The following PARVB variants were observed in gnomAD, a reference collection of about 807,000 sequenced individuals.
The protein encoded by PARVB is beta-parvin.
Under a neutral mutation model 47.0 loss-of-function variants are expected in PARVB, and 46 were observed. That is an observed-to-expected ratio of 0.98 (90% CI 0.77 to 1.25). The LOEUF is 1.25. PARVB is among the 50% of genes most tolerant of loss of function. The probability of loss-of-function intolerance (pLI) is 0.00; values close to 1 mark genes in which losing one functional copy is unlikely to be tolerated. For synonymous variants in PARVB, 196 were observed against 196.3 expected (o/e 1.00, Z 0.01); for missense variants, 473 against 471.6 (o/e 1.00, Z -0.03).
chr22:44,041,596 C>T (rs1190988795), intron 1 of PARVB, among the ~76,000 whole-genome samples: 1 of 151,972 alleles, frequency 6.6e-6, no homozygotes, highest in Non-Finnish European at 1.5e-5. Context: ...TAATAAAAGC[C>T]CTACAGGCCA....
At chr22:44,022,518 C>T (rs576674470), upstream of PARVB, among the ~76,000 whole-genome samples, 99 of 152,220 alleles carry the variant, frequency 6.5e-4, no homozygotes, top group Admixed American at 1.8e-3. Flanking sequence ...TTGGTCTTCA[C>T]GCCCCTGGCT....
chr22:44,099,726 G>C (rs989024985), intron 2 of PARVB, among the ~76,000 whole-genome samples: 3 of 152,114 alleles, frequency 2.0e-5, no homozygotes, highest in African/African-American at 7.2e-5. Context: ...ACCAGATTCC[G>C]GCCAGCGGAG....
At chr22:44,029,269 G>A (rs2050783016) in intron 1 of PARVB, among the ~76,000 whole-genome samples, 1 of 152,190 alleles carries the variant, frequency 6.6e-6, no homozygotes, top group Non-Finnish European at 1.5e-5. Context: ...ACATGCGTGA[G>A]CCACAGTGCC....
At chr22:44,056,378 G>A (rs899112818) in intron 1 of PARVB, among the ~76,000 whole-genome samples, 1 of 152,228 alleles carries the variant, frequency 6.6e-6, no homozygotes, top group African/African-American at 2.4e-5. Flanking sequence ...ACACACGGAT[G>A]CAGCGTTGCC....
At chr22:44,027,883 G>C (rs1045557039) in intron 1 of PARVB, among the ~76,000 whole-genome samples, 1 of 146,646 alleles carries the variant, frequency 6.8e-6, no homozygotes, top group African/African-American at 2.6e-5. Flanking sequence ...GGTCAACAGA[G>C]TGAGACTCCA....
intron 1 of PARVB, among the ~76,000 whole-genome samples, chr22:44,090,400 G>A (rs988449356): frequency 1.3e-5 from 2 of 152,216 alleles, no homozygotes; most frequent in African/African-American, 4.8e-5. Context: ...GGCGGTGTTC[G>A]TGAGCACGTT....
intron 4 of PARVB, among the ~76,000 whole-genome samples, chr22:44,122,540 G>A (rs58136081): frequency 9.3e-6 from 1 of 107,508 alleles, no homozygotes; most frequent in Admixed American, 9.7e-5. Flanking sequence ...GAGAGAGAGA[G>A]AGAGAGAGAG....
At chr22:44,051,502 T>C (rs1455634324) in intron 1 of PARVB, among the ~76,000 whole-genome samples, 4 of 152,136 alleles carry the variant, frequency 2.6e-5, no homozygotes, top group African/African-American at 9.7e-5. Context: ...GCTGTGCTGG[T>C]GGCCTGCTTA....
upstream of PARVB, among the ~76,000 whole-genome samples, chr22:44,019,821 C>T (rs1464922021): frequency 1.3e-5 from 2 of 152,200 alleles, no homozygotes; most frequent in Non-Finnish European, 2.9e-5. Flanking sequence ...ACTCCCAACA[C>T]GGGATTGAAT....
At chr22:44,101,689 G>A (rs991033033) in intron 3 of PARVB, among the ~76,000 whole-genome samples, 19 of 148,500 alleles carry the variant, frequency 1.3e-4, no homozygotes, top group South Asian at 6.4e-4. Context: ...CAGATGTTGC[G>A]TTGAGCCGAG....
At chr22:44,114,842 C>G (rs200454560) in intron 3 of PARVB, 1 of 112,016 alleles carries the variant, frequency 8.9e-6, no homozygotes, top group African/African-American at 3.8e-5. Context: ...AGGCCCTGTA[C>G]CAACACAGAT....
intron 2 of PARVB, among the ~76,000 whole-genome samples, chr22:44,002,815 G>A (rs577543821): frequency 9.9e-5 from 15 of 152,194 alleles, no homozygotes; most frequent in South Asian, 8.3e-4. Context: ...TGCTTTGCCC[G>A]AAAGTGGGGC....
chr22:44,085,930 A>G (rs565613412), intron 1 of PARVB, among the ~76,000 whole-genome samples: 1 of 152,214 alleles, frequency 6.6e-6, no homozygotes, highest in East Asian at 1.9e-4. Context: ...CCACCTGTTG[A>G]CCTTCTTTGG....
rs1415575634 is a variant in PARVB at position 44,172,092 on chromosome 22, ACTC to A, written c.*3418_*3420del. The A allele has an allele frequency of 6.6e-6, 1 of 151,390 alleles. No individual in the cohort carries two copies. Among genetic ancestry groups the A allele is most frequent in the African/African-American group, 2.4e-5 (1 of 41,104 alleles). 9.4% of individuals were successfully genotyped at this position (151,390 alleles called of 1,614,324 possible). On this transcript the variant is annotated 3_prime_UTR_variant, in exon 13 of 13. Coordinates refer to ENST00000338758, the MANE Select transcript of PARVB (RefSeq NM_013327.5). ...CCTGGGAAGGGCCCCATTAGGCTCG[ACTC>A]CTCATTTTTCTCCATTCACCATCAG...
chr22:44,040,030 T>G (rs1385763178), intron 1 of PARVB: 1 of 299,712 alleles, frequency 3.3e-6, no homozygotes, highest in African/African-American at 2.3e-5. Flanking sequence ...CTGTGGTGGT[T>G]GCCTCTGGGG....
chr22:44,081,666 G>A, intron 1 of PARVB: 1 of 976,808 alleles, frequency 1.0e-6, no homozygotes, highest in Non-Finnish European at 1.2e-6. Flanking sequence ...GGGCTCGTCT[G>A]TTGCTGGAAG....
At chr22:44,036,277 AAAAT>A (rs1346513513) in intron 1 of PARVB, among the ~76,000 whole-genome samples, 37 of 152,256 alleles carry the variant, frequency 2.4e-4, no homozygotes, top group African/African-American at 7.9e-4. Context: ...TAAATACAAT[AAAAT>A]AAATAAATAC....
intron 2 of PARVB, among the ~76,000 whole-genome samples, chr22:44,095,752 G>A (rs4561757): frequency 0.1 from 15,783 of 152,234 alleles, 856 homozygotes; most frequent in Middle Eastern, 0.18. Flanking sequence ...ACCCTGGTTC[G>A]AAGGGAAGTC....
chr22:44,027,346 TG>T (rs1414832345), intron 1 of PARVB, among the ~76,000 whole-genome samples: 3 of 152,152 alleles, frequency 2.0e-5, no homozygotes, highest in African/African-American at 7.2e-5. Context: ...CAGCTGCTGC[TG>T]GAAGTCCTCA....
Sources: gnomAD v4.1 joint callset for allele counts (sites outside exome capture counted in the v4.1 genomes callset) on GRCh38, gnomAD v4.1.1 for gene constraint, MANE v1.5 for transcripts, NCBI Gene and HGNC (gene_info 2026-07-23, HGNC 2026-07-21) for gene names.